The following LMX1A variants were observed in gnomAD, a reference collection of about 807,000 sequenced individuals.
The protein encoded by LMX1A is LIM homeobox transcription factor 1-alpha.
Under a neutral mutation model 49.1 loss-of-function variants are expected in LMX1A, and 15 were observed. The observed-to-expected ratio is 0.31, with a 90% CI of 0.20 to 0.47. The LOEUF is 0.47. Among genes scored for constraint, LMX1A ranks in the 20% least tolerant of loss-of-function variants. The pLI, the probability that LMX1A is intolerant of heterozygous loss-of-function variation, is 1.00. For missense variants in LMX1A, 372 were observed against 475.8 expected, an observed-to-expected ratio of 0.78 and a Z score of 2.03; for synonymous variants, 167 against 185.7, an observed-to-expected ratio of 0.90 and a Z score of 0.82.
chr1:165,243,979 A>G (rs765115355), intron 4 of LMX1A, among the ~76,000 whole-genome samples: 43 of 152,170 alleles, frequency 2.8e-4, no homozygotes, highest in Non-Finnish European at 4.9e-4. Flanking sequence ...GAAGGTTGGG[A>G]CTTTCAGCCC....
intron 3 of LMX1A, among the ~76,000 whole-genome samples, chr1:165,287,135 C>T (rs1654323458): frequency 6.6e-6 from 1 of 152,200 alleles, no homozygotes; most frequent in Non-Finnish European, 1.5e-5. Context: ...ATTATCTGCA[C>T]TGCCTTCTAC....
At chr1:165,247,174 A>T (rs1571175752) in intron 4 of LMX1A, among the ~76,000 whole-genome samples, 1 of 149,260 alleles carries the variant, frequency 6.7e-6, no homozygotes, top group Admixed American at 6.9e-5. Context: ...GTCCAACTGT[A>T]TAACTTAGTG....
At chr1:165,299,624 A>G (rs1306918522) in intron 3 of LMX1A, among the ~76,000 whole-genome samples, 3 of 152,204 alleles carry the variant, frequency 2.0e-5, no homozygotes, top group African/African-American at 7.2e-5. Context: ...GATGCCTTAA[A>G]CCCAGTTTAT....
chr1:165,355,353 G>A lies in LMX1A; in HGVS notation c.76+131C>T. On this transcript the variant is annotated intron_variant, in intron 2 of 8. Transcript: ENST00000342310. The surrounding 1 kb of genome is among the most constrained non-coding windows in gnomAD (Gnocchi z 4.7). The stretch of plus-strand genomic sequence containing the variant: ...CAAGCACTGACGGACAGATAGTGAT[G>A]GGGCTCAATTTAGTGTATGAAGAGG... 2 of 802,022 alleles carry A rather than the reference G, an allele frequency of 2.5e-6. No individual in the cohort carries two copies. Among genetic ancestry groups the A allele is most frequent in the South Asian group, 3.3e-5 (2 of 61,404 alleles). 49.7% of individuals were successfully genotyped at this position (802,022 alleles called of 1,614,324 possible). A position where few individuals can be genotyped will look rare whatever the true frequency, so the allele number is the denominator to read the frequency against.
intron 3 of LMX1A, among the ~76,000 whole-genome samples, chr1:165,302,206 T>G (rs10753674): frequency 0.73 from 96,484 of 132,130 alleles, 31,768 homozygotes; most frequent in Middle Eastern, 0.8. Flanking sequence ...GGGAGGCCGG[T>G]GGGGGGCGGG....
intron 3 of LMX1A, among the ~76,000 whole-genome samples, chr1:165,304,749 T>C (rs1314894817): frequency 6.6e-6 from 1 of 152,166 alleles, no homozygotes; most frequent in Non-Finnish European, 1.5e-5. Context: ...GTCTGGACCT[T>C]CATAATCTAG....
intron 3 of LMX1A, among the ~76,000 whole-genome samples, chr1:165,348,351 G>A (rs1445195958): frequency 2.0e-5 from 3 of 151,438 alleles, no homozygotes; most frequent in Non-Finnish European, 4.4e-5. Context: ...TCTTACCCAG[G>A]GACCAATACA....
At position 165,205,994 on chromosome 1, in the gene LMX1A, G is replaced by T; in HGVS notation, c.858C>A (p.Ile286=). 1 of 1,598,570 alleles carries T rather than the reference G, an allele frequency of 6.3e-7. No individual in the cohort carries two copies. The highest frequency in any genetic ancestry group is 8.5e-7 in the Non-Finnish European group (1 of 1,172,816). ...TGGGCAGAGCCGTGTAGGGGTTCAT[G>T]ATTCCTTCCATCCCAGCACTCCCAC... ...NGGGSAGMEG[I]MNPYTALPTP... Residue 286 remains isoleucine, a synonymous_variant, in exon 8 of 9, where the codon ATC becomes ATA. Coordinates refer to ENST00000342310, the MANE Select transcript of LMX1A (RefSeq NM_177398.4).
In LMX1A at chr1:165,350,537, T is replaced by A. The variant is rs935621918; in HGVS notation, c.263+2539A>T. Among the ~76,000 whole-genome samples, 7 of 122,084 alleles carry A rather than the reference T, an allele frequency of 5.7e-5. No individual in the cohort carries two copies. In the East Asian group the frequency reaches 1.9e-3, roughly 34 times the overall value. The allele number at this position is 122,084 out of a possible 152,430, so 80.1% of individuals were successfully genotyped here. A position where few individuals can be genotyped will look rare whatever the true frequency, so the allele number is the denominator to read the frequency against. On this transcript the variant is annotated intron_variant, in intron 3 of 8. Coordinates refer to ENST00000342310, the MANE Select transcript of LMX1A (RefSeq NM_177398.4). ...TGAATAAAGAAGTTTGTCCTGAGCC[T>A]ATTTTTTTTTTTACAAAACAAACAA...
At chr1:165,277,528 C>CA (rs1654005343) in intron 3 of LMX1A, among the ~76,000 whole-genome samples, 2 of 152,192 alleles carry the variant, frequency 1.3e-5, no homozygotes, top group African/African-American at 4.8e-5. Flanking sequence ...ATGTTAGTGT[C>CA]AGAGACAAAT....
chr1:165,269,356 C>T (rs149209864), intron 3 of LMX1A, among the ~76,000 whole-genome samples: 182 of 152,322 alleles, frequency 1.2e-3, no homozygotes, highest in African/African-American at 3.8e-3. Context: ...ACTGCCCCTG[C>T]ACCAAAAGAT....
At chr1:165,319,795 A>G (rs1436547701) in intron 3 of LMX1A, among the ~76,000 whole-genome samples, 1 of 152,186 alleles carries the variant, frequency 6.6e-6, no homozygotes, top group African/African-American at 2.4e-5. Context: ...CCAAAATACT[A>G]AGAAGGTAAT....
intron 3 of LMX1A, among the ~76,000 whole-genome samples, chr1:165,317,114 G>C (rs980922000): frequency 2.6e-5 from 4 of 152,126 alleles, no homozygotes; most frequent in African/African-American, 7.2e-5. Context: ...CATATACAGT[G>C]AGCCCTCAGC....
At chr1:165,341,099 T>C (rs1038664418) in intron 3 of LMX1A, among the ~76,000 whole-genome samples, 7 of 152,200 alleles carry the variant, frequency 4.6e-5, no homozygotes, top group African/African-American at 1.7e-4. Context: ...GGCCACAATA[T>C]TTCATGCTTA....
intron 4 of LMX1A, among the ~76,000 whole-genome samples, chr1:165,232,972 T>C (rs1340197345): frequency 1.3e-5 from 2 of 152,228 alleles, no homozygotes; most frequent in Admixed American, 1.3e-4. Context: ...GAATAGGATG[T>C]TGAACGGACC....
intron 3 of LMX1A, among the ~76,000 whole-genome samples, chr1:165,321,700 A>C (rs1044752592): frequency 1.3e-5 from 2 of 152,232 alleles, no homozygotes; most frequent in African/African-American, 4.8e-5. Context: ...ATGACTTGGC[A>C]ATGGCTTCTT....
chr1:165,328,532 C>A (rs1312979191), intron 3 of LMX1A, among the ~76,000 whole-genome samples: 1 of 152,164 alleles, frequency 6.6e-6, no homozygotes, highest in Non-Finnish European at 1.5e-5. Flanking sequence ...CCCAACAGGG[C>A]CATATTTACA....
At position 165,205,949 on chromosome 1, in the gene LMX1A, G is replaced by A; in HGVS notation, c.903C>T (p.Ala301=). The A allele has an allele frequency of 6.2e-7, 1 of 1,613,838 alleles. No individual in the cohort carries two copies. ...CTGAGCTGTAGACACTCTGCTCGAT[G>A]GCCAGGAGCTGCTGTGGGGTGGGCA... ...TALPTPQQLL[A]IEQSVYSSDP... The change falls in exon 8 of 9, where the codon GCC becomes GCT. Residue 301 remains alanine, a synonymous_variant. Transcript: ENST00000342310.
intron 3 of LMX1A, among the ~76,000 whole-genome samples, chr1:165,275,140 A>G (rs1421746638): frequency 2.0e-5 from 3 of 152,152 alleles, no homozygotes; most frequent in Non-Finnish European, 4.4e-5. Flanking sequence ...GAGGCTTCCC[A>G]TTGATCAAAC....
Sources: gnomAD v4.1 joint callset for allele counts (sites outside exome capture counted in the v4.1 genomes callset) on GRCh38, gnomAD v4.1.1 for gene constraint, Gnocchi (gnomAD v3.1) non-coding constraint, MANE v1.5 for transcripts, NCBI Gene and HGNC (gene_info 2026-07-23, HGNC 2026-07-21) for gene names.